Variants in NCKAP5 observed in about 807,000 individuals in gnomAD.
The protein encoded by NCKAP5 is NCK associated protein 5.
A neutral mutation model predicts 167.0 loss-of-function variants in NCKAP5; 92 were observed. The observed-to-expected ratio is 0.55, with a 90% CI of 0.47 to 0.66. The LOEUF (loss-of-function observed/expected upper bound fraction) is 0.66. Ranked by LOEUF, NCKAP5 falls within the 30% of genes least tolerant of loss-of-function variation. The probability of loss-of-function intolerance (pLI) is 0.00; values close to 1 mark genes in which losing one functional copy is unlikely to be tolerated. For synonymous variants in NCKAP5, 891 were observed against 877.4 expected, an observed-to-expected ratio of 1.02 and a Z score of -0.27; for missense variants, 2,378 against 2,315.0, an observed-to-expected ratio of 1.03 and a Z score of -0.56.
intron 8 of NCKAP5, among the ~76,000 whole-genome samples, chr2:132,891,067 G>A (rs535127622): frequency 7.9e-5 from 12 of 152,186 alleles, no homozygotes; most frequent in Middle Eastern, 3.2e-3. Context: ...GAGCTACGCC[G>A]TGAGAAGATG....
intron 3 of NCKAP5, among the ~76,000 whole-genome samples, chr2:133,469,112 T>C (rs1297342592): frequency 1.3e-5 from 2 of 152,218 alleles, no homozygotes; most frequent in African/African-American, 4.8e-5. Context: ...GTCTCGATGG[T>C]CTTTACGTTT....
chr2:133,403,939 C>T (rs1688262918), intron 3 of NCKAP5, among the ~76,000 whole-genome samples: 1 of 150,614 alleles, frequency 6.6e-6, no homozygotes, highest in South Asian at 2.1e-4. Flanking sequence ...ACCAGTCATA[C>T]CTGAGCCCCT....
intron 3 of NCKAP5, among the ~76,000 whole-genome samples, chr2:133,487,665 T>G (rs1681031804): frequency 6.6e-6 from 1 of 152,158 alleles, no homozygotes; most frequent in African/African-American, 2.4e-5. Context: ...AGAAGGGCAT[T>G]CAGTGGTCTG....
At chr2:132,767,699 G>T (rs1681634970) in intron 16 of NCKAP5, among the ~76,000 whole-genome samples, 1 of 152,224 alleles carries the variant, frequency 6.6e-6, no homozygotes, top group Non-Finnish European at 1.5e-5. Flanking sequence ...AAGGAATAAA[G>T]AAATGAAACA....
At chr2:132,714,811 T>G (rs1400177288) in intron 19 of NCKAP5, 1 of 358,036 alleles carries the variant, frequency 2.8e-6, no homozygotes. Context: ...AGAATCCATC[T>G]CAAAAAAAAA....
At chr2:132,865,821 C>CT (rs575542739) in intron 10 of NCKAP5, among the ~76,000 whole-genome samples, 2 of 151,392 alleles carry the variant, frequency 1.3e-5, no homozygotes, top group African/African-American at 4.9e-5. Flanking sequence ...TATGAGCAAA[C>CT]TTTTTTTTTA....
intron 5 of NCKAP5, among the ~76,000 whole-genome samples, chr2:133,162,396 T>C (rs1156408719): frequency 6.6e-6 from 1 of 152,206 alleles, no homozygotes; most frequent in Non-Finnish European, 1.5e-5. Flanking sequence ...AGTTGTAGCA[T>C]CTTAAGTTGA....
intron 8 of NCKAP5, among the ~76,000 whole-genome samples, chr2:132,889,735 TA>T (rs1692537395): frequency 6.6e-6 from 1 of 152,198 alleles, no homozygotes; most frequent in Admixed American, 6.5e-5. Context: ...TCAACCAGGC[TA>T]GAATCCTGGA....
intron 5 of NCKAP5, among the ~76,000 whole-genome samples, chr2:133,189,223 G>A (rs1443118899): frequency 6.6e-6 from 1 of 152,026 alleles, no homozygotes. Flanking sequence ...AGCCTCCCAA[G>A]ACTAAACCAG....
chr2:132,758,597 C>T (rs1413941622), intron 16 of NCKAP5, among the ~76,000 whole-genome samples: 1 of 152,118 alleles, frequency 6.6e-6, no homozygotes, highest in East Asian at 1.9e-4. Flanking sequence ...TCCTCTGACA[C>T]CTGATATGCT....
At chr2:133,123,923 T>C (rs758110001) in intron 6 of NCKAP5, 6 of 388,956 alleles carry the variant, frequency 1.5e-5, no homozygotes, top group Non-Finnish European at 3.3e-5. Context: ...GTGCCTACAG[T>C]TTCCAAATGG....
intron 6 of NCKAP5, among the ~76,000 whole-genome samples, chr2:133,020,790 A>T (rs2078498701): frequency 6.6e-6 from 1 of 152,212 alleles, no homozygotes; most frequent in Admixed American, 6.5e-5. Context: ...CATCAGGGAC[A>T]TCCTCACAAC....
At chr2:132,807,134 A>G (rs1228785522) in intron 11 of NCKAP5, among the ~76,000 whole-genome samples, 1 of 152,174 alleles carries the variant, frequency 6.6e-6, no homozygotes, top group African/African-American at 2.4e-5. Flanking sequence ...TTTTTATACC[A>G]GTGCCATGCT....
At chr2:133,359,876 C>T (rs760768525) in intron 3 of NCKAP5, among the ~76,000 whole-genome samples, 1 of 152,086 alleles carries the variant, frequency 6.6e-6, no homozygotes, top group Non-Finnish European at 1.5e-5. Context: ...CCACCTTATT[C>T]GAAAATGTTT....
At chr2:133,382,877 C>A (rs1311012322) in intron 3 of NCKAP5, among the ~76,000 whole-genome samples, 1 of 152,138 alleles carries the variant, frequency 6.6e-6, no homozygotes, top group Non-Finnish European at 1.5e-5. Context: ...TTTAGTTCAT[C>A]ATTTTGTCCT....
At chr2:132,847,963 A>C (rs1267226420) in intron 11 of NCKAP5, among the ~76,000 whole-genome samples, 1 of 152,218 alleles carries the variant, frequency 6.6e-6, no homozygotes, top group Non-Finnish European at 1.5e-5. Context: ...TATTCTTCAG[A>C]AACAGGTCAC....
chr2:133,664,182 G>T, the NCKAP5 span, among the ~76,000 whole-genome samples: 2 of 151,904 alleles, frequency 1.3e-5, no homozygotes, highest in African/African-American at 4.8e-5. Flanking sequence ...TGAACAGGAG[G>T]TCTTAATGGT....
intron 8 of NCKAP5, chr2:132,910,956 T>C (rs1056255988): frequency 6.4e-6 from 1 of 155,464 alleles, no homozygotes; most frequent in Non-Finnish European, 1.4e-5. Flanking sequence ...ACTTACAACA[T>C]GGCCGTTTTC....
At chr2:133,051,437 C>T (rs868839882) in intron 6 of NCKAP5, among the ~76,000 whole-genome samples, 1 of 152,098 alleles carries the variant, frequency 6.6e-6, no homozygotes, top group Non-Finnish European at 1.5e-5. Context: ...TAAAGGGTTG[C>T]TATTGAGCAA....
Sources: gnomAD v4.1 joint callset for allele counts (sites outside exome capture counted in the v4.1 genomes callset) on GRCh38, gnomAD v4.1.1 for gene constraint, MANE v1.5 for transcripts, NCBI Gene and HGNC (gene_info 2026-07-23, HGNC 2026-07-21) for gene names.